The following SPTA1 variants were observed in gnomAD, a reference collection of about 807,000 sequenced individuals.
SPTA1 encodes spectrin alpha, erythrocytic 1.
A neutral mutation model predicts 324.7 loss-of-function variants in SPTA1; 177 were observed. That is an observed-to-expected ratio of 0.55 (90% CI 0.48 to 0.62). The LOEUF is 0.62. Among genes scored for constraint, SPTA1 ranks in the 20% least tolerant of loss-of-function variants. The pLI is 0.00. For synonymous variants in SPTA1, 1,195 were observed against 1,041.3 expected, an observed-to-expected ratio of 1.15 and a Z score of -2.84; for missense variants, 3,162 against 2,883.6, an observed-to-expected ratio of 1.10 and a Z score of -2.21.
chr1:158,653,715 G>A (rs1263013604), intron 21 of SPTA1, among the ~76,000 whole-genome samples: 2 of 152,160 alleles, frequency 1.3e-5, no homozygotes, highest in Non-Finnish European at 2.9e-5. Context: ...CTTTGTTCAT[G>A]AGGAATTTAC....
chr1:158,620,903 C>G (rs1341118769), intron 43 of SPTA1: 1 of 161,104 alleles, frequency 6.2e-6, no homozygotes, highest in African/African-American at 2.5e-5. Flanking sequence ...ATAAACAAAC[C>G]AAGAAAATCT....
chr1:158,617,832 C>A (rs1649653179), intron 46 of SPTA1, among the ~76,000 whole-genome samples: 2 of 152,132 alleles, frequency 1.3e-5, no homozygotes, highest in Admixed American at 6.6e-5. Flanking sequence ...TTCTTAAATA[C>A]ACACTTAAGC....
chr1:158,626,787 G>T (rs1650301440), intron 41 of SPTA1, 52 bp downstream of exon 41: 8 of 1,609,684 alleles, frequency 5.0e-6, no homozygotes, highest in Non-Finnish European at 6.8e-6. Context: ...ACATGGATGG[G>T]ATTTATTAGG....
intron 39 of SPTA1, among the ~76,000 whole-genome samples, chr1:158,631,304 G>A (rs1323576902): frequency 6.6e-6 from 1 of 152,206 alleles, no homozygotes; most frequent in Non-Finnish European, 1.5e-5. Flanking sequence ...AATGGCGTTT[G>A]CAGCGACCTG....
At chr1:158,650,429 A>T (rs766576334) in intron 24 of SPTA1, among the ~76,000 whole-genome samples, 2 of 152,194 alleles carry the variant, frequency 1.3e-5, no homozygotes, top group Non-Finnish European at 2.9e-5. Context: ...CAGAAAACTC[A>T]TCCTCACTGA....
In SPTA1 at chr1:158,645,537, G is replaced by T; in HGVS notation, c.3954C>A (p.Ala1318=). The T allele has an allele frequency of 2.5e-6, 4 of 1,613,886 alleles. No homozygotes were observed. The Middle Eastern group carries it at 4.9e-4, about 200-fold the overall frequency. The stretch of plus-strand genomic sequence containing the variant: ...AGATCTCTATGCCAGTTAAGTCTTC[G>T]GCCAGCTCCTGTGATGATACCATGC... ...IGGMVSSQEL[A]EDLTGIEILL... Residue 1318 remains alanine (A), a synonymous_variant, in exon 28 of 52, where the codon GCC becomes GCA. Coordinates refer to ENST00000643759, the MANE Select transcript of SPTA1 (RefSeq NM_003126.4).
Position 158,683,513 on chromosome 1 carries a change from A to G in SPTA1, c.265-17T>C, listed in dbSNP as rs1394293767. On this transcript the variant is annotated splice_polypyrimidine_tract_variant and intron_variant, in intron 2 of 51. Transcript: ENST00000643759. ...ATATTTCCCCTAAAGTTTAGAAATC[A>G]GAGTTTTTGTCTAATGAAGCACAGT... 1 of 1,612,596 alleles carries G rather than the reference A, an allele frequency of 6.2e-7. No homozygotes were observed. The highest frequency in any genetic ancestry group is 2.2e-5 in the East Asian group (1 of 44,810).
chr1:158,654,646 C>T lies in SPTA1; in HGVS notation c.3001G>A (p.Gly1001Ser), dbSNP rs1165525230. Residue 1001 changes from glycine to serine, a missense_variant, in exon 21 of 52, where the codon GGT (glycine) becomes AGT (serine). By Grantham distance (56) the Gly-to-Ser change is moderately conservative (BLOSUM62 0). Coordinates refer to ENST00000643759, the MANE Select transcript of SPTA1 (RefSeq NM_003126.4). ...GAACTGAGCAGCGTTAAGACATCACCTTTCTTCATGGTGACTTCTCGGGGG... is the reference window on the plus strand; with the variant it reads ...GAACTGAGCAGCGTTAAGACATCACTTTTCTTCATGGTGACTTCTCGGGGG... Reference protein sequence around the residue: ...RSPREVTMKKGDVLTLLSSIN... With the variant: ...RSPREVTMKKSDVLTLLSSIN... The T allele has an allele frequency of 1.2e-6, 2 of 1,613,808 alleles. No individual in the cohort carries two copies. Among genetic ancestry groups the T allele is most frequent in the Non-Finnish European group, 1.7e-6 (2 of 1,179,962 alleles).
At chr1:158,634,696 C>A in intron 38 of SPTA1, 21 bp from the exon 39 acceptor site, 1 of 1,613,788 alleles carries the variant, frequency 6.2e-7, no homozygotes, top group Non-Finnish European at 8.5e-7. Context: ...GTGGCAAGCC[C>A]CAGTGAGGAT....
intron 18 of SPTA1, among the ~76,000 whole-genome samples, chr1:158,658,604 C>T (rs1361462922): frequency 6.6e-6 from 1 of 152,098 alleles, no homozygotes; most frequent in Admixed American, 6.5e-5. Flanking sequence ...CTAATAAACC[C>T]TGCCCCAGGA....
intron 24 of SPTA1, 114 bp downstream of exon 24, chr1:158,651,253 T>C: frequency 1.3e-6 from 1 of 776,738 alleles, no homozygotes; most frequent in Non-Finnish European, 2.4e-6. Context: ...ATACTGCTGT[T>C]ACCTTCTGCA....
Position 158,611,004 on chromosome 1 carries a change from C to T in SPTA1, c.*260G>A, listed in dbSNP as rs1056648963. The T allele has an allele frequency of 2.5e-6, 1 of 395,542 alleles. No individual in the cohort carries two copies. The allele number at this position is 395,542 out of a possible 1,614,324, so 24.5% of individuals were successfully genotyped here. A position where few individuals can be genotyped will look rare whatever the true frequency, so the allele number is the denominator to read the frequency against. ...GAACAAATAAAAATAGAAACTTTGA[C>T]ACCCCTCAGCAGTGACTAGTTGCAT... On this transcript the variant is annotated 3_prime_UTR_variant, in exon 52 of 52. Coordinates refer to ENST00000643759, the MANE Select transcript of SPTA1 (RefSeq NM_003126.4).
intron 30 of SPTA1, among the ~76,000 whole-genome samples, chr1:158,643,820 C>T (rs1327130668): frequency 6.6e-6 from 1 of 152,072 alleles, no homozygotes. Context: ...GCCCTGCCTG[C>T]CTCAGTTTTT....
At chr1:158,644,442 T>C in intron 29 of SPTA1, 46 bp from the exon 30 acceptor site, 1 of 1,611,102 alleles carries the variant, frequency 6.2e-7, no homozygotes, top group South Asian at 1.1e-5. Context: ...CCATGTGGTG[T>C]GGAGGAAATG....
At chr1:158,649,283 C>G (rs1424443157) in intron 25 of SPTA1, among the ~76,000 whole-genome samples, 4 of 152,004 alleles carry the variant, frequency 2.6e-5, no homozygotes, top group Non-Finnish European at 5.9e-5. Flanking sequence ...TTCTTTCTTT[C>G]TGTTTTGATT....
At chr1:158,684,703 A>T (rs1655044251) in intron 2 of SPTA1, among the ~76,000 whole-genome samples, 1 of 152,112 alleles carries the variant, frequency 6.6e-6, no homozygotes, top group Non-Finnish European at 1.5e-5. Flanking sequence ...AATTGATGTA[A>T]TTTTTTACTT....
chr1:158,654,597 G>A lies in SPTA1; in HGVS notation c.3036+14C>T. The A allele has an allele frequency of 6.2e-7, 1 of 1,613,880 alleles. No individual in the cohort carries two copies. The highest frequency in any genetic ancestry group is 8.5e-7 in the Non-Finnish European group (1 of 1,179,938). On this transcript the variant is annotated intron_variant, in intron 21 of 51. Coordinates refer to ENST00000643759, the MANE Select transcript of SPTA1 (RefSeq NM_003126.4). ...GAGCCACTTTTTGATGGAAAGATTA[G>A]AAGGAAAAGTCACCTTATTGATGGA...
chr1:158,651,765 C>A (rs2101859156), intron 23 of SPTA1, among the ~76,000 whole-genome samples: 2 of 152,254 alleles, frequency 1.3e-5, no homozygotes, highest in Middle Eastern at 6.8e-3. Flanking sequence ...GGGATTGATA[C>A]CTGAGCTGTG....
chr1:158,654,502 AAAT>A, intron 21 of SPTA1, 106 bp downstream of exon 21: 1 of 1,454,312 alleles, frequency 6.9e-7, no homozygotes, highest in South Asian at 1.3e-5. Flanking sequence ...TCAAGAAATA[AAAT>A]AATAAAATAA....
Sources: gnomAD v4.1 joint callset for allele counts (sites outside exome capture counted in the v4.1 genomes callset) on GRCh38, gnomAD v4.1.1 for gene constraint, MANE v1.5 for transcripts, NCBI Gene and HGNC (gene_info 2026-07-23, HGNC 2026-07-21) for gene names.